Variants in AGAP1 observed in about 807,000 individuals in gnomAD.
The protein encoded by AGAP1 is arf-GAP with GTPase, ANK repeat and PH domain-containing protein 1.
In AGAP1, 29 loss-of-function variants were observed where a neutral mutation model predicts 105.3. The ratio of observed to expected loss-of-function variants is 0.28; its 90% CI spans 0.21 to 0.38. The LOEUF is 0.38. Ranked by LOEUF, AGAP1 falls within the 10% of genes least tolerant of loss-of-function variation. AGAP1 has a pLI of 1.00. For missense variants in AGAP1, 998 were observed against 1,165.1 expected (o/e 0.86, Z 2.09); for synonymous variants, 509 against 485.9 (o/e 1.05, Z -0.63).
At chr2:235,826,469 A>G (rs1214892965) in intron 9 of AGAP1, among the ~76,000 whole-genome samples, 1 of 151,536 alleles carries the variant, frequency 6.6e-6, no homozygotes, top group African/African-American at 2.4e-5. Context: ...TTTTTGAGAC[A>G]AGAGTCTTGC....
intron 6 of AGAP1, among the ~76,000 whole-genome samples, chr2:235,786,390 G>T (rs1956636417): frequency 1.3e-5 from 2 of 152,230 alleles, no homozygotes. Context: ...ACCTAGTCTA[G>T]AAAGCTCTGC....
intron 13 of AGAP1, among the ~76,000 whole-genome samples, chr2:235,987,446 A>G (rs1483045516): frequency 1.3e-5 from 2 of 149,224 alleles, no homozygotes; most frequent in Non-Finnish European, 3.0e-5. Context: ...TTTTCAAAAA[A>G]ACAGCTACTG....
chr2:236,093,070 G>A (rs966524315), intron 16 of AGAP1, among the ~76,000 whole-genome samples: 2 of 152,240 alleles, frequency 1.3e-5, no homozygotes, highest in Admixed American at 1.3e-4. Context: ...TGGGGGAGAA[G>A]CTCTTCTTTA....
chr2:235,646,465 G>A (rs1947390544), intron 1 of AGAP1, among the ~76,000 whole-genome samples: 1 of 152,094 alleles, frequency 6.6e-6, no homozygotes, highest in Non-Finnish European at 1.5e-5. Flanking sequence ...TGTGCCTCAG[G>A]AATAATTTTA....
chr2:236,064,441 C>T (rs1041491103), intron 16 of AGAP1, among the ~76,000 whole-genome samples: 1 of 151,966 alleles, frequency 6.6e-6, no homozygotes, highest in African/African-American at 2.4e-5. Context: ...AAAAAAAATA[C>T]AAAAATTGGC....
Position 235,888,026 on chromosome 2 carries a change from C to T in AGAP1, c.1155+4577C>T, listed in dbSNP as rs2050350610. Among the ~76,000 whole-genome samples, 1 of 152,184 alleles carries T rather than the reference C, an allele frequency of 6.6e-6. No homozygotes were observed. The highest frequency in any genetic ancestry group is 6.5e-5 in the Admixed American group (1 of 15,284). ...CATTTATCTTCTGTCCACGTGTGTG[C>T]CGCTCACAGTCCACGTAAGGCTGCG... On this transcript the variant is annotated intron_variant, in intron 10 of 17. Transcript: ENST00000304032. This position sits in a 1 kb window ranked among gnomAD's most constrained non-coding sequence, Gnocchi z 4.8.
At position 236,046,027 on chromosome 2, in the gene AGAP1, G is replaced by A. The variant is rs957207409; in HGVS notation, c.1892-3032G>A. The A allele has an allele frequency of 3.0e-5, 14 of 471,574 alleles. No individual in the cohort carries two copies. Among genetic ancestry groups the A allele is most frequent in the African/African-American group, 2.4e-4 (12 of 50,196 alleles). The allele number at this position is 471,574 out of a possible 1,614,324, so 29.2% of individuals were successfully genotyped here. A position where few individuals can be genotyped will look rare whatever the true frequency, so the allele number is the denominator to read the frequency against. ...ACCTGACAGCCTGGGAGCTGCTGGG[G>A]GGAGGTAGGAGGGGGTGCACCACGG... On this transcript the variant is annotated intron_variant, in intron 15 of 17. Coordinates refer to ENST00000304032, the MANE Select transcript of AGAP1 (RefSeq NM_001037131.3). This position sits in a 1 kb window ranked among gnomAD's most constrained non-coding sequence, Gnocchi z 5.2.
At chr2:236,013,841 G>C (rs1397143502) in intron 13 of AGAP1, among the ~76,000 whole-genome samples, 1 of 152,208 alleles carries the variant, frequency 6.6e-6, no homozygotes, top group Non-Finnish European at 1.5e-5. Context: ...GAAGAGTTGA[G>C]CCACCCTGTT....
At chr2:235,717,173 C>G (rs1951156833) in intron 2 of AGAP1, among the ~76,000 whole-genome samples, 1 of 152,202 alleles carries the variant, frequency 6.6e-6, no homozygotes, top group Non-Finnish European at 1.5e-5. Flanking sequence ...ACGTCACTCA[C>G]CTCTGCCCTC....
At chr2:235,852,761 TC>T in intron 9 of AGAP1, 1 of 1,533,822 alleles carries the variant, frequency 6.5e-7, no homozygotes, top group Non-Finnish European at 8.8e-7. Context: ...CCGTCAGTCC[TC>T]CCCCTGGCCA....
intron 6 of AGAP1, among the ~76,000 whole-genome samples, chr2:235,770,115 T>G (rs1407636594): frequency 1.4e-5 from 2 of 143,136 alleles, no homozygotes; most frequent in South Asian, 4.3e-4. Context: ...ACACACACAT[T>G]TTTTTCTTTC....
chr2:236,051,315 T>G lies in AGAP1; in HGVS notation c.2114+2034T>G, dbSNP rs1435928427. On this transcript the variant is annotated intron_variant, in intron 16 of 17. Transcript: ENST00000304032. This position sits in a 1 kb window ranked among gnomAD's most constrained non-coding sequence, Gnocchi z 5.9. Reference sequence around the variant, plus strand: ...AAATCAGCAAATAATCATTGCACACTTTCTCGTAGAAAAGCAACGGTGAGT... The same window carrying G: ...AAATCAGCAAATAATCATTGCACACGTTCTCGTAGAAAAGCAACGGTGAGT... Among the ~76,000 whole-genome samples the G allele has an allele frequency of 1.3e-5, 2 of 152,224 alleles. No homozygotes were observed. The highest frequency in any genetic ancestry group is 2.9e-5 in the Non-Finnish European group (2 of 68,036).
chr2:235,653,894 T>C (rs1365173317), intron 1 of AGAP1, among the ~76,000 whole-genome samples: 1 of 151,954 alleles, frequency 6.6e-6, no homozygotes, highest in Non-Finnish European at 1.5e-5. Flanking sequence ...CCGTCTCTAC[T>C]AAAAATACAA....
Position 235,967,409 on chromosome 2 carries a change from C to T in AGAP1, c.1484-1053C>T, listed in dbSNP as rs1022744616. The stretch of plus-strand genomic sequence containing the variant: ...TCTTTCCCATAACTCTTACCAGCTT[C>T]TGATGGACTCCAGGTTCTGGCCCGG... On this transcript the variant is annotated intron_variant, in intron 12 of 17. Coordinates refer to ENST00000304032, the MANE Select transcript of AGAP1 (RefSeq NM_001037131.3). The surrounding 1 kb of genome is among the most constrained non-coding windows in gnomAD (Gnocchi z 4.7). Among the ~76,000 whole-genome samples, 2 of 152,222 alleles carry T rather than the reference C, an allele frequency of 1.3e-5. No individual in the cohort carries two copies. Among genetic ancestry groups the T allele is most frequent in the African/African-American group, 4.8e-5 (2 of 41,466 alleles).
At chr2:235,647,068 G>A (rs1431594449) in intron 1 of AGAP1, among the ~76,000 whole-genome samples, 2 of 151,590 alleles carry the variant, frequency 1.3e-5, no homozygotes, top group Admixed American at 6.6e-5. Flanking sequence ...CCTGGGAGGT[G>A]GAGCTTGCAG....
intron 13 of AGAP1, among the ~76,000 whole-genome samples, chr2:236,034,958 A>G (rs2057335044): frequency 6.6e-6 from 1 of 152,198 alleles, no homozygotes; most frequent in Admixed American, 6.5e-5. Context: ...TCTCTCAGCC[A>G]CAAAGAGGGC....
chr2:236,082,160 C>T lies in AGAP1; in HGVS notation c.2114+32879C>T, dbSNP rs1003306746. On this transcript the variant is annotated intron_variant, in intron 16 of 17. Transcript: ENST00000304032. This position sits in a 1 kb window ranked among gnomAD's most constrained non-coding sequence, Gnocchi z 4.2. ...CTAGATGTCCATTTCTGTAAGTTTT[C>T]CCTCTAGAACAAACCTATCATTTTT... is the stretch of plus-strand genomic sequence containing the variant. Among the ~76,000 whole-genome samples, 1 of 152,164 alleles carries T rather than the reference C, an allele frequency of 6.6e-6. No individual in the cohort carries two copies. Among genetic ancestry groups the T allele is most frequent in the Admixed American group, 6.5e-5 (1 of 15,276 alleles).
intron 9 of AGAP1, among the ~76,000 whole-genome samples, chr2:235,881,375 T>G (rs941736631): frequency 2.0e-5 from 3 of 152,196 alleles, no homozygotes; most frequent in African/African-American, 7.2e-5. Flanking sequence ...AAGCGTCTTC[T>G]TGTATTTCAA....
intron 11 of AGAP1, among the ~76,000 whole-genome samples, chr2:235,923,532 T>G (rs1370133772): frequency 2.8e-5 from 1 of 35,624 alleles, no homozygotes. Flanking sequence ...CCCACCCCAC[T>G]CACAAGGGTG....
Sources: gnomAD v4.1 joint callset for allele counts (sites outside exome capture counted in the v4.1 genomes callset) on GRCh38, gnomAD v4.1.1 for gene constraint, Gnocchi (gnomAD v3.1) non-coding constraint, MANE v1.5 for transcripts, NCBI Gene and HGNC (gene_info 2026-07-23, HGNC 2026-07-21) for gene names.